The following HEATR4 variants were observed in gnomAD, a reference collection of about 807,000 sequenced individuals.
The protein encoded by HEATR4 is HEAT repeat-containing protein 4.
Under a neutral mutation model 108.8 loss-of-function variants are expected in HEATR4, and 95 were observed. The ratio of observed to expected loss-of-function variants is 0.87; its 90% CI spans 0.74 to 1.04. The LOEUF is 1.04. Among genes scored for constraint, HEATR4 ranks in the 50% least tolerant of loss-of-function variants. The pLI, the probability that HEATR4 is intolerant of heterozygous loss-of-function variation, is 0.00. For synonymous variants in HEATR4, 443 were observed against 459.4 expected (o/e 0.96, Z 0.46); for missense variants, 1,152 against 1,253.8 (o/e 0.92, Z 1.23).
Position 73,512,085 on chromosome 14 carries a change from G to A in HEATR4, c.1479C>T (p.Asp493=), listed in dbSNP as rs147637984. ...LLQSLGDLHD[D]VRIKAITTCA... is the part of the protein sequence containing the mutation. ...ATGTGGTGATAGCTTTGATCCGAAC[G>A]TCATCATGCAGGTCTCCCAAGCTCT... Residue 493 remains aspartate (D), a synonymous_variant, in exon 7 of 18, where the codon GAC becomes GAT. Coordinates refer to ENST00000553558, the MANE Select transcript of HEATR4 (RefSeq NM_001220484.1). 90 of 1,614,028 alleles carry A rather than the reference G, an allele frequency of 5.6e-5. No individual in the cohort carries two copies. In the Middle Eastern group the frequency reaches 1.2e-3, roughly 21 times the overall value.
chr14:73,568,462 G>A, the HEATR4 span, among the ~76,000 whole-genome samples: 1 of 151,892 alleles, frequency 6.6e-6, no homozygotes, highest in African/African-American at 2.4e-5. Flanking sequence ...GAGAGGCTGA[G>A]TCAGGAAGAT....
chr14:73,488,179 A>G (rs1282967578), intron 17 of HEATR4, among the ~76,000 whole-genome samples: 2 of 152,150 alleles, frequency 1.3e-5, no homozygotes, highest in African/African-American at 2.4e-5. Flanking sequence ...GTAATCTCCA[A>G]TGTTAGATGA....
At chr14:73,597,833 C>T in the HEATR4 span, among the ~76,000 whole-genome samples, 1 of 151,422 alleles carries the variant, frequency 6.6e-6, no homozygotes, top group Non-Finnish European at 1.5e-5. Context: ...ACCTTGTGAT[C>T]CATCTGCCTC....
the HEATR4 span, chr14:73,612,857 C>G: frequency 7.1e-7 from 1 of 1,408,844 alleles, no homozygotes; most frequent in Admixed American, 2.4e-5. Context: ...GCTGGTGAAG[C>G]GCGACGTGCG....
chr14:73,480,642 C>T (rs4903114), intron 17 of HEATR4, among the ~76,000 whole-genome samples: 41,558 of 151,938 alleles, frequency 0.27, 5,926 homozygotes, highest in South Asian at 0.42. Flanking sequence ...TATAATCACC[C>T]AAAACTAGAA....
At chr14:73,489,616 C>T (rs1216431943) in intron 17 of HEATR4, among the ~76,000 whole-genome samples, 2 of 152,130 alleles carry the variant, frequency 1.3e-5, no homozygotes, top group East Asian at 3.8e-4. Context: ...TCTTTATGTA[C>T]AAAGCAATTA....
chr14:73,509,434 G>C lies in HEATR4; in HGVS notation c.1598C>G (p.Ala533Gly). The change falls in exon 8 of 18, where the codon GCC becomes GGC. Residue 533 changes from alanine (A) to glycine (G), a missense_variant. Coordinates refer to ENST00000553558, the MANE Select transcript of HEATR4 (RefSeq NM_001220484.1). ...CTTGTCACAAAGAGCAGCCTCTAGG[G>C]CAGGCAGTAGAACCTCCGGCAAGTC... ...IQDLPEVLLP[A>G]LEAALCDKNA... The C allele has an allele frequency of 6.2e-7, 1 of 1,614,052 alleles. No individual in the cohort carries two copies. The highest frequency in any genetic ancestry group is 8.5e-7 in the Non-Finnish European group (1 of 1,180,012).
chr14:73,482,476 T>C (rs1380861489), intron 17 of HEATR4, among the ~76,000 whole-genome samples: 1 of 152,000 alleles, frequency 6.6e-6, no homozygotes, highest in East Asian at 1.9e-4. Context: ...GGGCCGAGAC[T>C]GCGCCACTGC....
At chr14:73,512,210 C>T (rs1595117448) in intron 6 of HEATR4, 61 bp from the exon 7 acceptor site, 1 of 1,582,830 alleles carries the variant, frequency 6.3e-7, no homozygotes, top group East Asian at 2.3e-5. Flanking sequence ...TATTGTGCTG[C>T]AGGCAGGTGA....
At chr14:73,632,857 A>G in the HEATR4 span, among the ~76,000 whole-genome samples, 7 of 143,192 alleles carry the variant, frequency 4.9e-5, no homozygotes, top group South Asian at 1.5e-3. Flanking sequence ...AAAAAAAAAA[A>G]AAGAAGAAGA....
intron 16 of HEATR4, among the ~76,000 whole-genome samples, chr14:73,494,025 G>T (rs957784348): frequency 7.2e-5 from 11 of 152,226 alleles, no homozygotes; most frequent in Non-Finnish European, 1.6e-4. Flanking sequence ...GGCTGGCACT[G>T]CTGTCATAAG....
At chr14:73,493,432 C>T (rs949170800) in intron 16 of HEATR4, 8 of 283,418 alleles carry the variant, frequency 2.8e-5, no homozygotes, top group East Asian at 8.2e-5. Context: ...TGGGATGGTT[C>T]GAAGAAATGC....
intron 15 of HEATR4, among the ~76,000 whole-genome samples, chr14:73,495,693 T>G (rs371822828): frequency 3.3e-5 from 5 of 152,226 alleles, no homozygotes; most frequent in African/African-American, 1.2e-4. Flanking sequence ...TTATACCTGT[T>G]CGTGAAAATT....
In HEATR4 at chr14:73,522,454, C is replaced by T; in HGVS notation, c.699G>A (p.Trp233Ter). 1 of 1,614,220 alleles carries T rather than the reference C, an allele frequency of 6.2e-7. No homozygotes were observed. Among genetic ancestry groups the T allele is most frequent in the East Asian group, 2.2e-5 (1 of 44,878 alleles). Reference sequence around the variant, plus strand: ...CGTACTGCTGGCGCAGGAAGCTCTGCCACTTGTTGGGGGATGCCCCAGGCC... The same window carrying T: ...CGTACTGCTGGCGCAGGAAGCTCTGTCACTTGTTGGGGGATGCCCCAGGCC... ...PRRPGASPNK[W>*]QSFLRQQYDW... Residue 233 changes from tryptophan to a stop codon, truncating the protein, a stop_gained, in exon 3 of 18, where the codon TGG becomes TGA. Coordinates refer to ENST00000553558, the MANE Select transcript of HEATR4 (RefSeq NM_001220484.1). LOFTEE classifies it high-confidence loss of function.
the HEATR4 span, among the ~76,000 whole-genome samples, chr14:73,583,822 A>C: frequency 6.6e-6 from 1 of 151,862 alleles, no homozygotes; most frequent in African/African-American, 2.4e-5. Flanking sequence ...CAACATGGTG[A>C]AACCCCGTCT....
chr14:73,495,061 C>CA (rs11365617), intron 16 of HEATR4, among the ~76,000 whole-genome samples, 167 bp downstream of exon 16: 51 of 149,516 alleles, frequency 3.4e-4, no homozygotes, highest in South Asian at 2.1e-3. Context: ...AACAAACAAA[C>CA]AAAAAAAAAA....
At chr14:73,565,425 G>A in the HEATR4 span, among the ~76,000 whole-genome samples, 6 of 143,348 alleles carry the variant, frequency 4.2e-5, no homozygotes, top group African/African-American at 1.0e-4. Context: ...TTGCTCAGTC[G>A]CCCAGGCTGG....
At chr14:73,592,578 C>T in the HEATR4 span, among the ~76,000 whole-genome samples, 3,932 of 152,292 alleles carry the variant, frequency 0.026, 77 homozygotes, top group Admixed American at 0.066. Context: ...TGGTACCGGG[C>T]GTGGTGACTA....
rs750663179 is a variant in HEATR4 at position 73,520,909 on chromosome 14, G to A, written c.1012C>T (p.Arg338Ter). ...TQSYFRQVTP[R>*]AGKFAYSTDN... ...GTGGAGTAGGCAAACTTTCCAGCTCGGGGAGTCACCTGGCGAAAGTAGCTC... is the reference window on the plus strand; with the variant it reads ...GTGGAGTAGGCAAACTTTCCAGCTCAGGGAGTCACCTGGCGAAAGTAGCTC... The change falls in exon 4 of 18, where the codon CGA becomes TGA. Residue 338 changes from arginine to a stop codon, truncating the protein, a stop_gained. Transcript: ENST00000553558. LOFTEE classifies it high-confidence loss of function. 12 of 1,613,874 alleles carry A rather than the reference G, an allele frequency of 7.4e-6. No homozygotes were observed. In the Admixed American group the frequency reaches 8.3e-5, roughly 11 times the overall value.
Sources: allele counts gnomAD v4.1 joint callset (sites outside exome capture counted in the v4.1 genomes callset), GRCh38; gene constraint gnomAD v4.1.1; transcripts MANE v1.5; gene names NCBI Gene and HGNC (gene_info 2026-07-23, HGNC 2026-07-21).